The following SEMA6D variants were observed in gnomAD, a reference collection of about 807,000 sequenced individuals.
SEMA6D encodes the protein semaphorin 6D.
In SEMA6D, 35 loss-of-function variants were observed where a neutral mutation model predicts 106.6. That is an observed-to-expected ratio of 0.33 (90% CI 0.25 to 0.44). The LOEUF (loss-of-function observed/expected upper bound fraction) is 0.44. Among genes scored for constraint, SEMA6D ranks in the 20% least tolerant of loss-of-function variants. SEMA6D has a pLI of 1.00. For missense variants in SEMA6D, 1,185 were observed against 1,345.9 expected (o/e 0.88, Z 1.87); for synonymous variants, 499 against 487.7 (o/e 1.02, Z -0.31).
intron 1 of SEMA6D, among the ~76,000 whole-genome samples, chr15:47,318,296 T>C (rs1436898445): frequency 6.7e-6 from 1 of 149,486 alleles, no homozygotes; most frequent in African/African-American, 2.4e-5. Flanking sequence ...CTTTAAGTTT[T>C]AGGGTACATG....
At chr15:47,424,065 A>G (rs2041254855) in intron 2 of SEMA6D, among the ~76,000 whole-genome samples, 1 of 152,088 alleles carries the variant, frequency 6.6e-6, no homozygotes, top group Admixed American at 6.6e-5. Flanking sequence ...TTTAAATAGG[A>G]AATCAGTGAA....
At chr15:47,250,761 C>A (rs2033472168) in intron 1 of SEMA6D, among the ~76,000 whole-genome samples, 1 of 152,154 alleles carries the variant, frequency 6.6e-6, no homozygotes, top group Admixed American at 6.5e-5. Flanking sequence ...CCAGAGGGGA[C>A]AAAGGTCACT....
At chr15:47,699,872 A>C (rs1336270759) in intron 4 of SEMA6D, among the ~76,000 whole-genome samples, 1 of 152,256 alleles carries the variant, frequency 6.6e-6, no homozygotes, top group Non-Finnish European at 1.5e-5. Context: ...ATTTATGCAG[A>C]AAATCTGAAA....
intron 4 of SEMA6D, among the ~76,000 whole-genome samples, chr15:47,708,590 C>T (rs976475646): frequency 6.6e-5 from 10 of 152,318 alleles, no homozygotes; most frequent in East Asian, 1.9e-4. Context: ...AGTCAGGTTG[C>T]GTGCTCTCTC....
intron 2 of SEMA6D, among the ~76,000 whole-genome samples, chr15:47,467,179 A>G (rs191331314): frequency 1.3e-5 from 2 of 152,148 alleles, no homozygotes; most frequent in Admixed American, 1.3e-4. Context: ...AGACCTGGAA[A>G]ACTGTGAGTT....
chr15:47,296,447 A>T (rs561143272), intron 1 of SEMA6D, among the ~76,000 whole-genome samples: 1 of 152,334 alleles, frequency 6.6e-6, no homozygotes, highest in Non-Finnish European at 1.5e-5. Context: ...ACAAAAACCC[A>T]TGGCTGTGTG....
rs1211233352 is a variant in SEMA6D, at chr15:47,298,657, A to T, written c.-238-113736A>T. The stretch of plus-strand genomic sequence containing the variant: ...TCACATCTGCCCTCCAGCAGGCTGC[A>T]GGGGTGGTGAGAGTGCCAGTTTACG... On this transcript the variant is annotated intron_variant, in intron 1 of 19. Transcript: ENST00000558014. Among the ~76,000 whole-genome samples, 3 of 152,228 alleles carry T rather than the reference A, an allele frequency of 2.0e-5. No homozygotes were observed. The East Asian group carries it at 5.8e-4, about 30-fold the overall frequency.
intron 1 of SEMA6D, among the ~76,000 whole-genome samples, chr15:47,338,695 A>G (rs2037676468): frequency 6.6e-6 from 1 of 152,138 alleles, no homozygotes; most frequent in South Asian, 2.1e-4. Context: ...TGAGTTGTAT[A>G]TTCTTTTGAT....
chr15:47,707,724 G>A (rs911359197), intron 4 of SEMA6D, among the ~76,000 whole-genome samples: 5 of 152,068 alleles, frequency 3.3e-5, no homozygotes, highest in Admixed American at 3.3e-4. Flanking sequence ...GTAGATTTTG[G>A]TATTTTTCTG....
intron 3 of SEMA6D, among the ~76,000 whole-genome samples, chr15:47,489,332 T>A (rs1165545194): frequency 9.9e-5 from 15 of 152,206 alleles, no homozygotes; most frequent in Non-Finnish European, 1.5e-5. Context: ...AATAAATTTC[T>A]GTTGTTTTAG....
chr15:47,750,890 G>A (rs911404448), intron 1 of SEMA6D, among the ~76,000 whole-genome samples: 1 of 152,110 alleles, frequency 6.6e-6, no homozygotes, highest in Non-Finnish European at 1.5e-5. Flanking sequence ...GGAGGGTGGG[G>A]TAGCAGTACC....
chr15:47,556,800 G>T (rs2045929065), intron 3 of SEMA6D, among the ~76,000 whole-genome samples: 1 of 152,130 alleles, frequency 6.6e-6, no homozygotes, highest in African/African-American at 2.4e-5. Flanking sequence ...ATTGGACAAA[G>T]ATGATGGAGA....
At chr15:47,766,272 C>CT in intron 15 of SEMA6D, 90 bp downstream of exon 15, 4 of 1,132,486 alleles carry the variant, frequency 3.5e-6, no homozygotes, top group South Asian at 1.5e-5. Context: ...AATTATACTA[C>CT]TTTTCTTTTT....
At chr15:47,689,845 C>A (rs1344805868) in intron 4 of SEMA6D, among the ~76,000 whole-genome samples, 1 of 152,248 alleles carries the variant, frequency 6.6e-6, no homozygotes, top group Non-Finnish European at 1.5e-5. Context: ...ATGAAATGAG[C>A]TTGCCGGGGC....
intron 4 of SEMA6D, among the ~76,000 whole-genome samples, chr15:47,683,711 C>T (rs531115379): frequency 2.0e-4 from 30 of 152,242 alleles, no homozygotes; most frequent in South Asian, 6.2e-4. Context: ...CACACACAAA[C>T]GAGTTATTTA....
chr15:47,769,255 G>T (rs1339288988), intron 18 of SEMA6D, among the ~76,000 whole-genome samples: 1 of 152,052 alleles, frequency 6.6e-6, no homozygotes, highest in Non-Finnish European at 1.5e-5. Context: ...TTTTCAGCCC[G>T]TAATAGGAGC....
intron 2 of SEMA6D, among the ~76,000 whole-genome samples, chr15:47,466,166 A>C (rs1567099309): frequency 6.6e-6 from 1 of 152,194 alleles, no homozygotes; most frequent in Non-Finnish European, 1.5e-5. Context: ...TGTGTGTGGT[A>C]AGCACACTTC....
rs112227513 is a variant in SEMA6D, at chr15:47,588,948, G to A, written c.-86-11917G>A. 2.0e-5 allele frequency among the ~76,000 whole-genome samples: 3 copies of A among 152,252 alleles called. No homozygotes were observed. The East Asian group carries it at 5.8e-4, about 29-fold the overall frequency. ...CACAATGGGGAGGCTGCATACTAAT[G>A]GCATCTAATGGGTAGAAGCTAAGGA... On this transcript the variant is annotated intron_variant, in intron 3 of 19. Transcript: ENST00000558014.
intron 3 of SEMA6D, among the ~76,000 whole-genome samples, chr15:47,555,358 C>T (rs1409938228): frequency 3.9e-5 from 6 of 152,138 alleles, no homozygotes; most frequent in Non-Finnish European, 7.4e-5. Flanking sequence ...CTAAAGAGAA[C>T]TCATTCATGC....
Sources: gnomAD v4.1 joint callset for allele counts (sites outside exome capture counted in the v4.1 genomes callset) on GRCh38, gnomAD v4.1.1 for gene constraint, MANE v1.5 for transcripts, NCBI Gene and HGNC (gene_info 2026-07-23, HGNC 2026-07-21) for gene names.